The following TDRD5 variants were observed in gnomAD, a reference collection of about 807,000 sequenced individuals.
The protein encoded by TDRD5 is tudor domain-containing protein 5.
In TDRD5, 41 loss-of-function variants were observed where a neutral mutation model predicts 120.6. That is an observed-to-expected ratio of 0.34 (90% CI 0.26 to 0.44). The LOEUF is 0.44. Ranked by LOEUF, TDRD5 falls within the 20% of genes least tolerant of loss-of-function variation. The pLI, the probability that TDRD5 is intolerant of heterozygous loss-of-function variation, is 1.00. For synonymous variants in TDRD5, 430 were observed against 433.7 expected, an observed-to-expected ratio of 0.99 and a Z score of 0.11; for missense variants, 1,006 against 1,221.2, an observed-to-expected ratio of 0.82 and a Z score of 2.63.
intron 14 of TDRD5, among the ~76,000 whole-genome samples, chr1:179,655,862 T>C (rs979018775): frequency 3.3e-5 from 5 of 152,198 alleles, no homozygotes; most frequent in African/African-American, 7.2e-5. Context: ...CATTCACCCA[T>C]TGAAGGACAT....
intron 6 of TDRD5, among the ~76,000 whole-genome samples, chr1:179,623,178 A>G (rs1292501963): frequency 6.6e-6 from 1 of 152,226 alleles, no homozygotes; most frequent in African/African-American, 2.4e-5. Flanking sequence ...AGACATTTTC[A>G]GGTAATCAGA....
In TDRD5 at chr1:179,685,086, T is replaced by G. The variant is rs539204536; in HGVS notation, c.2861-5610T>G. Among the ~76,000 whole-genome samples the G allele has an allele frequency of 1.4e-4, 22 of 152,324 alleles. 1 individual carries two copies. The South Asian group carries it at 4.4e-3, about 30-fold the overall frequency. ...TGTCAATTTTGGCTTTTGTTGCCGTTGCTTTGGTGTTTTAGACATGAAGTC... is the reference window on the plus strand; with the variant it reads ...TGTCAATTTTGGCTTTTGTTGCCGTGGCTTTGGTGTTTTAGACATGAAGTC... On this transcript the variant is annotated intron_variant, in intron 17 of 17. Coordinates refer to ENST00000444136, the MANE Select transcript of TDRD5 (RefSeq NM_001199085.3).
At chr1:179,601,093 A>T (rs1439413386) in intron 4 of TDRD5, among the ~76,000 whole-genome samples, 1 of 152,054 alleles carries the variant, frequency 6.6e-6, no homozygotes, top group East Asian at 1.9e-4. Flanking sequence ...TGAGTATAAT[A>T]TTCTATAAAT....
intron 13 of TDRD5, 49 bp from the exon 14 acceptor site, chr1:179,654,151 GA>G (rs1363293327): frequency 7.0e-7 from 1 of 1,423,178 alleles, no homozygotes; most frequent in Admixed American, 2.6e-5. Flanking sequence ...GTAGATTTTG[GA>G]AACAGCATTA....
intron 17 of TDRD5, among the ~76,000 whole-genome samples, chr1:179,682,172 T>C (rs1173713923): frequency 6.6e-6 from 1 of 151,178 alleles, no homozygotes; most frequent in Non-Finnish European, 1.5e-5. Context: ...TTACAGGTCA[T>C]ATACATTCTT....
chr1:179,655,252 C>T (rs1247455621), intron 14 of TDRD5, among the ~76,000 whole-genome samples: 1 of 152,168 alleles, frequency 6.6e-6, no homozygotes, highest in Non-Finnish European at 1.5e-5. Context: ...ACCACCACCA[C>T]ACACAAACAT....
At chr1:179,683,613 A>T (rs745547648) in intron 17 of TDRD5, among the ~76,000 whole-genome samples, 18 of 152,228 alleles carry the variant, frequency 1.2e-4, no homozygotes, top group Non-Finnish European at 1.9e-4. Flanking sequence ...AGATGAATAA[A>T]ATAATGGATT....
rs1368591982 is a variant in TDRD5, at chr1:179,654,321, T to C, written c.2281T>C (p.Trp761Arg). The change falls in exon 14 of 18, where the codon TGG (tryptophan) becomes CGG (arginine). Residue 761 changes from tryptophan (W) to arginine (R), a missense_variant. Trp to Arg is a moderately radical substitution (Grantham distance 101). Around this residue, in one of 3 missense-constraint regions of TDRD5, gnomAD observed 403 missense variants for 448.1 expected, o/e 0.90. Coordinates refer to ENST00000444136, the MANE Select transcript of TDRD5 (RefSeq NM_001199085.3). ...TAAGAGCTTTGAAGAAGATCCAAAG[T>C]GGTCCAACCCAGAACCAAACGATCT... ...CNKSFEEDPK[W>R]SNPEPNDLKE... is the part of the protein sequence containing the mutation. The C allele has an allele frequency of 6.5e-7, 1 of 1,549,200 alleles. No homozygotes were observed. Among genetic ancestry groups the C allele is most frequent in the African/African-American group, 1.4e-5 (1 of 72,980 alleles).
intron 17 of TDRD5, 124 bp from the exon 18 acceptor site, chr1:179,690,572 G>A (rs926522273): frequency 1.1e-5 from 14 of 1,323,084 alleles, no homozygotes; most frequent in African/African-American, 4.4e-5. Flanking sequence ...TTAGCCATTG[G>A]TAATTGTCGC....
chr1:179,630,703 A>G (rs1677385905), intron 6 of TDRD5, 64 bp from the exon 7 acceptor site: 1 of 1,523,574 alleles, frequency 6.6e-7, no homozygotes, highest in Non-Finnish European at 8.9e-7. Context: ...TCCAAGGACA[A>G]CTATATATGT....
chr1:179,628,502 C>G lies in TDRD5; in HGVS notation c.973-2265C>G, dbSNP rs116257287. Among the ~76,000 whole-genome samples the G allele has an allele frequency of 9.8e-3, 1,470 of 149,738 alleles. 30 individuals carry two copies. The highest frequency in any genetic ancestry group is 0.034 in the African/African-American group (1,374 of 40,632). ...TTTTTAAGTTGTAGAGGCAGAGTCTCATTATATTGCCCAGGCTGGTCTCTA... is the reference window on the plus strand; with the variant it reads ...TTTTTAAGTTGTAGAGGCAGAGTCTGATTATATTGCCCAGGCTGGTCTCTA... On this transcript the variant is annotated intron_variant, in intron 6 of 17. Coordinates refer to ENST00000444136, the MANE Select transcript of TDRD5 (RefSeq NM_001199085.3).
intron 11 of TDRD5, among the ~76,000 whole-genome samples, chr1:179,643,688 A>C (rs1163115419): frequency 6.6e-6 from 1 of 152,194 alleles, no homozygotes; most frequent in Non-Finnish European, 1.5e-5. Flanking sequence ...AAATGGACAG[A>C]GACTTAAGGA....
intron 6 of TDRD5, among the ~76,000 whole-genome samples, chr1:179,622,784 T>C (rs753731965): frequency 6.6e-6 from 1 of 152,134 alleles, no homozygotes; most frequent in Non-Finnish European, 1.5e-5. Context: ...AATGGCCTAA[T>C]GTATCTATTA....
chr1:179,689,038 C>T lies in TDRD5; in HGVS notation c.2861-1658C>T, dbSNP rs567212077. Among the ~76,000 whole-genome samples, 9 of 152,294 alleles carry T rather than the reference C, an allele frequency of 5.9e-5. No homozygotes were observed. In the South Asian group the frequency reaches 1.0e-3, roughly 18 times the overall value. On this transcript the variant is annotated intron_variant, in intron 17 of 17. Transcript: ENST00000444136. The stretch of plus-strand genomic sequence containing the variant: ...TTTGTTATTACCGATCATCTGAAGC[C>T]ATCTTCTCTCAACTCGTCAAAGTCA...
intron 6 of TDRD5, among the ~76,000 whole-genome samples, chr1:179,622,841 A>T (rs905347555): frequency 6.6e-6 from 1 of 152,194 alleles, no homozygotes; most frequent in South Asian, 2.1e-4. Context: ...ATTTGAAAAA[A>T]TAATGGCCCA....
chr1:179,636,863 T>G (rs1374546808), intron 9 of TDRD5, among the ~76,000 whole-genome samples: 2 of 152,226 alleles, frequency 1.3e-5, no homozygotes, highest in African/African-American at 2.4e-5. Flanking sequence ...CTTGCTTCAT[T>G]TTTGAAAAAT....
chr1:179,658,688 A>G (rs1679129695), intron 14 of TDRD5, among the ~76,000 whole-genome samples: 1 of 152,158 alleles, frequency 6.6e-6, no homozygotes, highest in Non-Finnish European at 1.5e-5. Flanking sequence ...TAGTCTTACT[A>G]GAGATTTATC....
intron 4 of TDRD5, among the ~76,000 whole-genome samples, chr1:179,606,451 C>A (rs1675987814): frequency 1.3e-5 from 2 of 152,072 alleles, no homozygotes; most frequent in South Asian, 4.1e-4. Flanking sequence ...TAAGACCAGG[C>A]AATCAATTAT....
intron 17 of TDRD5, among the ~76,000 whole-genome samples, chr1:179,684,128 G>C (rs532308698): frequency 2.0e-5 from 3 of 151,854 alleles, no homozygotes; most frequent in African/African-American, 7.3e-5. Context: ...TACATGTGCC[G>C]TGTTGTTGTG....
Sources: gnomAD v4.1 joint callset for allele counts (sites outside exome capture counted in the v4.1 genomes callset) on GRCh38, gnomAD v4.1.1 for gene constraint, gnomAD v4.1.1 regional missense constraint, MANE v1.5 for transcripts, NCBI Gene and HGNC (gene_info 2026-07-23, HGNC 2026-07-21) for gene names.